Variants in AMN1 observed in about 807,000 individuals in gnomAD.
AMN1 encodes protein AMN1 homolog.
AMN1 carries 20 observed loss-of-function variants against 33.0 expected under a neutral mutation model. That is an observed-to-expected ratio of 0.61 (90% CI 0.43 to 0.88). The LOEUF (loss-of-function observed/expected upper bound fraction) is 0.88. Ranked by LOEUF, AMN1 falls within the 40% of genes least tolerant of loss-of-function variation. The probability of loss-of-function intolerance (pLI) is 0.00; values close to 1 mark genes in which losing one functional copy is unlikely to be tolerated. For missense variants in AMN1, 246 were observed against 307.4 expected (o/e 0.80, Z 1.49); for synonymous variants, 114 against 111.9 (o/e 1.02, Z -0.12).
chr12:31,688,336 A>G (rs768544393), intron 6 of AMN1, among the ~76,000 whole-genome samples: 2 of 152,172 alleles, frequency 1.3e-5, no homozygotes, highest in Non-Finnish European at 2.9e-5. Flanking sequence ...TAAACTTGAA[A>G]TTTTCTTATT....
At chr12:31,693,527 A>G (rs190035815) in intron 5 of AMN1, among the ~76,000 whole-genome samples, 1 of 144,328 alleles carries the variant, frequency 6.9e-6, no homozygotes, top group East Asian at 2.1e-4. Flanking sequence ...ATGTCCAGCC[A>G]ATGTTTGTAT....
chr12:31,682,963 CTTT>C (rs34868408), intron 6 of AMN1, among the ~76,000 whole-genome samples: 7 of 137,804 alleles, frequency 5.1e-5, no homozygotes, highest in Admixed American at 1.5e-4. Flanking sequence ...GTATGCTATT[CTTT>C]TTTTTTTTTT....
chr12:31,696,389 G>A (rs904600346), intron 5 of AMN1, among the ~76,000 whole-genome samples: 2 of 151,950 alleles, frequency 1.3e-5, no homozygotes, highest in Non-Finnish European at 2.9e-5. Flanking sequence ...TGGGACTACA[G>A]GAATGCACCA....
chr12:31,707,458 G>A (rs117950001), intron 2 of AMN1, among the ~76,000 whole-genome samples: 1 of 152,334 alleles, frequency 6.6e-6, no homozygotes, highest in East Asian at 1.9e-4. Context: ...CGTACTTGCT[G>A]ATGCTGCAGA....
Position 31,675,648 on chromosome 12 carries a change from C to T in AMN1, c.704-3271G>A, listed in dbSNP as rs374620581. On this transcript the variant is annotated intron_variant, in intron 6 of 6. Coordinates refer to ENST00000281471, the MANE Select transcript of AMN1 (RefSeq NM_001113402.2). Reference sequence around the variant, plus strand: ...TAGCTGGGATTACAGGCGCCCGCAACCACGCCCAGCTAATTTTTTGTATTT... The same window carrying T: ...TAGCTGGGATTACAGGCGCCCGCAATCACGCCCAGCTAATTTTTTGTATTT... 2.8e-3 allele frequency among the ~76,000 whole-genome samples: 424 copies of T among 151,666 alleles called. 19 individuals are homozygous for T. In the South Asian group the frequency reaches 0.085, roughly 30 times the overall value.
intron 1 of AMN1, among the ~76,000 whole-genome samples, chr12:31,722,365 A>G (rs747470921): frequency 3.3e-5 from 5 of 152,216 alleles, no homozygotes; most frequent in Admixed American, 1.3e-4. Flanking sequence ...TGAGCCAATA[A>G]GTCAAGGTAT....
Position 31,683,807 on chromosome 12 carries a change from G to A in AMN1, c.703+5200C>T, listed in dbSNP as rs192595340. On this transcript the variant is annotated intron_variant, in intron 6 of 6. Coordinates refer to ENST00000281471, the MANE Select transcript of AMN1 (RefSeq NM_001113402.2). This position sits in a 1 kb window ranked among gnomAD's most constrained non-coding sequence, Gnocchi z 4.1. ...CAGTGTGAAAACGGACTAATACAAT[G>A]ACTACAGTGTAAGGTTATTCTTATT... Among the ~76,000 whole-genome samples, 8 of 152,306 alleles carry A rather than the reference G, an allele frequency of 5.3e-5. No individual in the cohort carries two copies. Among genetic ancestry groups the A allele is most frequent in the South Asian group, 2.1e-4 (1 of 4,830 alleles).
Position 31,672,279 on chromosome 12 carries a change from A to G in AMN1, c.*25T>C. 2.0e-6 allele frequency: 3 copies of G among 1,529,122 alleles called. No homozygotes were observed. Among genetic ancestry groups the G allele is most frequent in the East Asian group, 2.4e-5 (1 of 42,008 alleles). 94.7% of individuals were successfully genotyped at this position (1,529,122 alleles called of 1,614,324 possible). A position where few individuals can be genotyped will look rare whatever the true frequency, so the allele number is the denominator to read the frequency against. On this transcript the variant is annotated 3_prime_UTR_variant, in exon 7 of 7. Coordinates refer to ENST00000281471, the MANE Select transcript of AMN1 (RefSeq NM_001113402.2). ...GAAAGTAGTTTTGATAAGCTTTCCT[A>G]GCATTGATCATCTTCAAAAAAGCAT... is the stretch of plus-strand genomic sequence containing the variant.
chr12:31,714,036 A>G (rs972975835), intron 1 of AMN1, among the ~76,000 whole-genome samples: 2 of 152,102 alleles, frequency 1.3e-5, no homozygotes, highest in African/African-American at 4.8e-5. Flanking sequence ...GATTTTTAAA[A>G]TATAAATAAA....
At chr12:31,690,399 C>T (rs1325386499) in intron 5 of AMN1, among the ~76,000 whole-genome samples, 1 of 152,200 alleles carries the variant, frequency 6.6e-6, no homozygotes, top group African/African-American at 2.4e-5. Context: ...TCCCTGTTCA[C>T]CACATCCACA....
rs1373560793 is a variant in AMN1, at chr12:31,671,916, T to G, written c.*388A>C. The G allele has an allele frequency of 6.4e-6, 1 of 156,756 alleles. No homozygotes were observed. Among genetic ancestry groups the G allele is most frequent in the Non-Finnish European group, 1.4e-5 (1 of 71,070 alleles). The allele number at this position is 156,756 out of a possible 1,614,324, so 9.7% of individuals were successfully genotyped here. A position where few individuals can be genotyped will look rare whatever the true frequency, so the allele number is the denominator to read the frequency against. On this transcript the variant is annotated 3_prime_UTR_variant, in exon 7 of 7. Transcript: ENST00000281471. ...TTTAGAAATATGTTTACTTAGATTC[T>G]CCCAAGGTTTATACTTACAGGTAAA...
intron 5 of AMN1, among the ~76,000 whole-genome samples, chr12:31,694,175 C>T (rs1938621435): frequency 6.6e-6 from 1 of 150,724 alleles, no homozygotes; most frequent in African/African-American, 2.4e-5. Flanking sequence ...GGTGCGGTGG[C>T]TCACACCTGT....
rs1938442809 is a variant in AMN1 at position 31,690,220 on chromosome 12, G to A, written c.592-1102C>T. The stretch of plus-strand genomic sequence containing the variant: ...TTGCAAATTGTGCTGCTATAAACAT[G>A]TGTGTACAAGTATCTTTTTCGTATA... On this transcript the variant is annotated intron_variant, in intron 5 of 6. Transcript: ENST00000281471. Among the ~76,000 whole-genome samples, 6 of 152,338 alleles carry A rather than the reference G, an allele frequency of 3.9e-5. No individual in the cohort carries two copies. In the South Asian group the frequency reaches 1.2e-3, roughly 32 times the overall value.
chr12:31,678,267 C>T (rs1282076097), intron 6 of AMN1, among the ~76,000 whole-genome samples: 2 of 152,092 alleles, frequency 1.3e-5, no homozygotes, highest in South Asian at 2.1e-4. Context: ...TGCCTCCCAA[C>T]CTCTAAGGAA....
intron 6 of AMN1, among the ~76,000 whole-genome samples, chr12:31,680,426 C>T (rs1457186975): frequency 6.6e-6 from 1 of 152,108 alleles, no homozygotes; most frequent in African/African-American, 2.4e-5. Context: ...GTCTCAAACT[C>T]CTGACCTCAG....
intron 1 of AMN1, among the ~76,000 whole-genome samples, chr12:31,719,988 C>T (rs1323477944): frequency 6.6e-6 from 1 of 152,176 alleles, no homozygotes; most frequent in Non-Finnish European, 1.5e-5. Context: ...ATAGATGATA[C>T]ATGTATGTGT....
intron 1 of AMN1, among the ~76,000 whole-genome samples, chr12:31,723,299 T>C (rs766659637): frequency 5.3e-5 from 8 of 152,196 alleles, no homozygotes; most frequent in Non-Finnish European, 1.0e-4. Flanking sequence ...TATGGTTTCA[T>C]GGTTTCAGTC....
intron 6 of AMN1, among the ~76,000 whole-genome samples, chr12:31,681,677 C>T (rs2139659600): frequency 6.6e-6 from 1 of 152,152 alleles, no homozygotes; most frequent in African/African-American, 2.4e-5. Flanking sequence ...TTTACTGTAT[C>T]TTAAGATTTT....
At chr12:31,721,123 A>T (rs1939863790) in intron 1 of AMN1, among the ~76,000 whole-genome samples, 1 of 152,228 alleles carries the variant, frequency 6.6e-6, no homozygotes, top group African/African-American at 2.4e-5. Context: ...GTGCAAAGCC[A>T]GCTGCTTATA....
Sources: gnomAD v4.1 joint callset for allele counts (sites outside exome capture counted in the v4.1 genomes callset) on GRCh38, gnomAD v4.1.1 for gene constraint, Gnocchi (gnomAD v3.1) non-coding constraint, MANE v1.5 for transcripts, NCBI Gene and HGNC (gene_info 2026-07-23, HGNC 2026-07-21) for gene names.